PXDNL: variants seen among roughly 807,000 people sequenced by gnomAD.
The protein encoded by PXDNL is peroxidasin like, also known as probable oxidoreductase PXDNL.
A neutral mutation model predicts 150.8 loss-of-function variants in PXDNL; 145 were observed. That is an observed-to-expected ratio of 0.96 (90% CI 0.84 to 1.10). The LOEUF is 1.10. Ranked by LOEUF, PXDNL falls within the 50% of genes least tolerant of loss-of-function variation. PXDNL has a pLI of 0.00. For missense variants in PXDNL, 2,087 were observed against 1,873.9 expected (o/e 1.11, Z -2.10); for synonymous variants, 757 against 725.7 (o/e 1.04, Z -0.69).
chr8:51,688,868 G>C (rs1184919003), intron 1 of PXDNL, among the ~76,000 whole-genome samples: 1 of 152,194 alleles, frequency 6.6e-6, no homozygotes, highest in Non-Finnish European at 1.5e-5. Context: ...AGGTGGATTA[G>C]ATCTCCAGGA....
intron 3 of PXDNL, among the ~76,000 whole-genome samples, chr8:51,563,097 C>T (rs1812750130): frequency 6.6e-6 from 1 of 151,928 alleles, no homozygotes; most frequent in African/African-American, 2.4e-5. Flanking sequence ...GACTAGAGAG[C>T]AAGCATAATA....
intron 21 of PXDNL, among the ~76,000 whole-genome samples, chr8:51,329,984 C>G (rs978538577): frequency 6.6e-6 from 1 of 152,160 alleles, no homozygotes; most frequent in Non-Finnish European, 1.5e-5. Flanking sequence ...AGTCTGAAGG[C>G]CTGAGAACCA....
intron 4 of PXDNL, among the ~76,000 whole-genome samples, chr8:51,526,122 A>G (rs1473171027): frequency 6.6e-6 from 1 of 152,092 alleles, no homozygotes; most frequent in Non-Finnish European, 1.5e-5. Flanking sequence ...AATGTTCCCA[A>G]TGTGTGTGTG....
chr8:51,590,029 T>A (rs1037989388), intron 3 of PXDNL, among the ~76,000 whole-genome samples: 1 of 152,056 alleles, frequency 6.6e-6, no homozygotes. Context: ...AAAAACAGAA[T>A]AGTTTCAGGG....
chr8:51,740,094 C>T (rs2036888175), intron 1 of PXDNL, among the ~76,000 whole-genome samples: 2 of 152,090 alleles, frequency 1.3e-5, no homozygotes, highest in Admixed American at 1.3e-4. Context: ...GATTTAATAA[C>T]TCAACATAAT....
At chr8:51,642,226 G>T (rs1022384492) in intron 2 of PXDNL, among the ~76,000 whole-genome samples, 3 of 137,462 alleles carry the variant, frequency 2.2e-5, no homozygotes, top group African/African-American at 7.6e-5. Context: ...GGAGGGGGGA[G>T]GGATAGCATT....
intron 8 of PXDNL, among the ~76,000 whole-genome samples, chr8:51,471,981 C>T (rs1007696389): frequency 6.6e-6 from 1 of 152,220 alleles, no homozygotes; most frequent in South Asian, 2.1e-4. Flanking sequence ...TGAGCCACCG[C>T]GCCCGGCCGG....
At chr8:51,560,068 C>T (rs1055996655) in intron 3 of PXDNL, among the ~76,000 whole-genome samples, 1 of 151,778 alleles carries the variant, frequency 6.6e-6, no homozygotes, top group African/African-American at 2.4e-5. Flanking sequence ...TTTACAATAG[C>T]TTATAAATAA....
chr8:51,691,124 G>T (rs1446410731), intron 1 of PXDNL, among the ~76,000 whole-genome samples: 2 of 152,176 alleles, frequency 1.3e-5, no homozygotes, highest in African/African-American at 4.8e-5. Flanking sequence ...TAGGTTGCCT[G>T]TTCACTCTGA....
chr8:51,643,414 A>T (rs1814822632), intron 2 of PXDNL, among the ~76,000 whole-genome samples: 1 of 152,180 alleles, frequency 6.6e-6, no homozygotes, highest in Non-Finnish European at 1.5e-5. Flanking sequence ...CTGATCTTTG[A>T]CAAACCTGAC....
intron 1 of PXDNL, among the ~76,000 whole-genome samples, chr8:51,696,246 G>A (rs1816121461): frequency 6.6e-6 from 1 of 152,312 alleles, no homozygotes; most frequent in South Asian, 2.1e-4. Flanking sequence ...GGCCTTCAGG[G>A]AGGTAATTAA....
At chr8:51,739,734 G>A (rs1205073266) in intron 1 of PXDNL, among the ~76,000 whole-genome samples, 2 of 151,974 alleles carry the variant, frequency 1.3e-5, no homozygotes, top group East Asian at 3.9e-4. Context: ...AAATTAGCTG[G>A]GCATGGTGGC....
At chr8:51,418,046 A>G (rs1808845589) in intron 14 of PXDNL, among the ~76,000 whole-genome samples, 1 of 152,236 alleles carries the variant, frequency 6.6e-6, no homozygotes, top group African/African-American at 2.4e-5. Flanking sequence ...TACACATATT[A>G]AAATGTATAT....
chr8:51,387,856 T>TTGA (rs1807768254), intron 17 of PXDNL, among the ~76,000 whole-genome samples: 3 of 151,622 alleles, frequency 2.0e-5, no homozygotes. Flanking sequence ...ATGCCCTATA[T>TTGA]TGATACTAAC....
intron 17 of PXDNL, among the ~76,000 whole-genome samples, chr8:51,386,240 G>A (rs950191671): frequency 2.0e-5 from 3 of 151,952 alleles, no homozygotes; most frequent in African/African-American, 7.3e-5. Context: ...CTACAGGCAC[G>A]TGCCACCATG....
intron 2 of PXDNL, among the ~76,000 whole-genome samples, chr8:51,618,669 T>C (rs1456609780): frequency 1.3e-5 from 2 of 152,176 alleles, no homozygotes. Context: ...TGGGAACTGA[T>C]AATTCCTAAA....
intron 1 of PXDNL, among the ~76,000 whole-genome samples, chr8:51,689,125 G>T (rs1303835874): frequency 1.3e-5 from 2 of 152,198 alleles, no homozygotes; most frequent in Non-Finnish European, 2.9e-5. Flanking sequence ...CAGGTTGCCA[G>T]CCCACAAGTC....
At chr8:51,783,233 G>A (rs1378396803) in intron 1 of PXDNL, among the ~76,000 whole-genome samples, 1 of 152,186 alleles carries the variant, frequency 6.6e-6, no homozygotes, top group East Asian at 1.9e-4. Context: ...TCACGTAGCT[G>A]TGCACAACCC....
intron 5 of PXDNL, among the ~76,000 whole-genome samples, chr8:51,494,983 T>G (rs1428821787): frequency 6.6e-6 from 1 of 152,192 alleles, no homozygotes; most frequent in Admixed American, 6.5e-5. Context: ...ATACATTCTT[T>G]TCAGCACCAC....
Sources: gnomAD v4.1 joint callset for allele counts (sites outside exome capture counted in the v4.1 genomes callset) on GRCh38, gnomAD v4.1.1 for gene constraint, MANE v1.5 for transcripts, NCBI Gene and HGNC (gene_info 2026-07-23, HGNC 2026-07-21) for gene names.